The following BDH1 variants were observed in gnomAD, a reference collection of about 807,000 sequenced individuals.
BDH1 encodes the protein D-beta-hydroxybutyrate dehydrogenase, mitochondrial.
BDH1 carries 30 observed loss-of-function variants against 33.1 expected under a neutral mutation model. The ratio of observed to expected loss-of-function variants is 0.91; its 90% confidence interval spans 0.68 to 1.23. The LOEUF (loss-of-function observed/expected upper bound fraction) is 1.23. Ranked by LOEUF, BDH1 falls within the 50% of genes most tolerant of loss-of-function variation. The pLI, the probability that BDH1 is intolerant of heterozygous loss-of-function variation, is 0.00. For synonymous variants in BDH1, 190 were observed against 183.6 expected (o/e 1.03, Z -0.28); for missense variants, 443 against 464.4 (o/e 0.95, Z 0.42).
chr3:197,553,616 A>G (rs1009644817), intron 2 of BDH1, among the ~76,000 whole-genome samples: 3 of 152,048 alleles, frequency 2.0e-5, no homozygotes, highest in African/African-American at 7.2e-5. Context: ...CACTGGGTTA[A>G]TAAGTTGAGG....
At chr3:197,531,836 T>A (rs1156587462) in intron 5 of BDH1, among the ~76,000 whole-genome samples, 1 of 152,170 alleles carries the variant, frequency 6.6e-6, no homozygotes, top group Non-Finnish European at 1.5e-5. Context: ...CTTCCCTTCA[T>A]GCACCTTAAA....
intron 2 of BDH1, among the ~76,000 whole-genome samples, chr3:197,550,115 A>G (rs1273918024): frequency 1.3e-5 from 2 of 152,142 alleles, no homozygotes; most frequent in Non-Finnish European, 2.9e-5. Context: ...CCCTCATTCA[A>G]AAAGACACCT....
Position 197,548,799 on chromosome 3 carries a change from T to C in BDH1, c.-43-2313A>G, listed in dbSNP as rs546677218. On this transcript the variant is annotated intron_variant, in intron 2 of 7. Transcript: ENST00000392379. ...CCAGGAGGCGGAGGTTGCAGTGAGC[T>C]GAGATCACGCCACTGCACTCCAGCC... 3.2e-3 allele frequency among the ~76,000 whole-genome samples: 480 copies of C among 151,896 alleles called. 1 individual carries two copies. The highest frequency in any genetic ancestry group is 0.011 in the African/African-American group (453 of 41,438).
chr3:197,514,233 G>A lies in BDH1; in HGVS notation c.562+31C>T. On this transcript the variant is annotated intron_variant, in intron 7 of 7. Coordinates refer to ENST00000392379, the MANE Select transcript of BDH1 (RefSeq NM_203314.3). This position sits in a 1 kb window ranked among gnomAD's most constrained non-coding sequence, Gnocchi z 4.2. ...AAGATGAACACGTGGGGCAGGTTCA[G>A]GGGCAGGAGGGAGCTCCCTTTCCCA... 1 of 1,594,698 alleles carries A rather than the reference G, an allele frequency of 6.3e-7. No individual in the cohort carries two copies. The highest frequency in any genetic ancestry group is 1.3e-5 in the African/African-American group (1 of 74,518).
intron 5 of BDH1, among the ~76,000 whole-genome samples, chr3:197,527,859 T>A (rs1314835228): frequency 6.6e-6 from 1 of 152,052 alleles, no homozygotes; most frequent in Non-Finnish European, 1.5e-5. Context: ...CTCCCGCACC[T>A]CCTTTGGATG....
At position 197,527,213 on chromosome 3, in the gene BDH1, G is replaced by A. The variant is rs1714185374; in HGVS notation, c.268-4432C>T. Among the ~76,000 whole-genome samples the A allele has an allele frequency of 1.3e-5, 2 of 152,192 alleles. 1 individual carries two copies. Among genetic ancestry groups the A allele is most frequent in the Non-Finnish European group, 2.9e-5 (2 of 68,044 alleles). ...TGGGCACTGTGATGTTCACAGGATG[G>A]GCAGGAGGAGGAGCTAGCAAGCAAG... On this transcript the variant is annotated intron_variant, in intron 5 of 7. Transcript: ENST00000392379.
rs1335465895 is a variant in BDH1 at position 197,526,236 on chromosome 3, G to T, written c.268-3455C>A. On this transcript the variant is annotated intron_variant, in intron 5 of 7. Coordinates refer to ENST00000392379, the MANE Select transcript of BDH1 (RefSeq NM_203314.3). The surrounding 1 kb of genome is among the most constrained non-coding windows in gnomAD (Gnocchi z 4.7). ...CCCAAACTCCCAAACTTGTATGCGA[G>T]GTAAAGCTTTCCCCTGCCCAGCCCT... is the stretch of plus-strand genomic sequence containing the variant. Among the ~76,000 whole-genome samples, 1 of 152,190 alleles carries T rather than the reference G, an allele frequency of 6.6e-6. No individual in the cohort carries two copies. Among genetic ancestry groups the T allele is most frequent in the Non-Finnish European group, 1.5e-5 (1 of 68,030 alleles).
intron 7 of BDH1, among the ~76,000 whole-genome samples, chr3:197,512,970 G>A (rs574916013): frequency 1.5e-4 from 23 of 152,278 alleles, no homozygotes; most frequent in African/African-American, 1.9e-4. Context: ...GACAGGACCC[G>A]TGCTGTTAGG....
intron 1 of BDH1, among the ~76,000 whole-genome samples, chr3:197,561,388 G>A (rs1717256260): frequency 1.3e-5 from 2 of 152,030 alleles, no homozygotes; most frequent in Non-Finnish European, 1.5e-5. Context: ...AGGAAGGCAA[G>A]ATTTCCTCTT....
chr3:197,565,765 G>A (rs1008644041), intron 1 of BDH1, among the ~76,000 whole-genome samples: 1 of 151,966 alleles, frequency 6.6e-6, no homozygotes, highest in African/African-American at 2.4e-5. Flanking sequence ...GTCTTGTTTT[G>A]GTCCTCCTTA....
chr3:197,536,820 G>A (rs1025287569), intron 3 of BDH1, among the ~76,000 whole-genome samples: 20 of 152,082 alleles, frequency 1.3e-4, no homozygotes, highest in African/African-American at 4.8e-4. Context: ...TGCAGCCTGG[G>A]CAACAAGAGT....
rs1232720917 is a variant in BDH1 at position 197,523,007 on chromosome 3, A to G, written c.268-226T>C. On this transcript the variant is annotated intron_variant, in intron 5 of 7. Coordinates refer to ENST00000392379, the MANE Select transcript of BDH1 (RefSeq NM_203314.3). This position sits in a 1 kb window ranked among gnomAD's most constrained non-coding sequence, Gnocchi z 4.5. ...TGCCACAGACACAACCATGAATAGG[A>G]TGAAGAGCCGGCCCCCAAGGCCTCA... 4 of 516,308 alleles carry G rather than the reference A, an allele frequency of 7.7e-6. No individual in the cohort carries two copies. Among genetic ancestry groups the G allele is most frequent in the Non-Finnish European group, 1.3e-5 (4 of 297,682 alleles). The allele number at this position is 516,308 out of a possible 1,614,324, so 32.0% of individuals were successfully genotyped here.
In BDH1 at chr3:197,535,904, G is replaced by A. The variant is rs955106857; in HGVS notation, c.84-2343C>T. ...TACAAAAAATACGAAAATTAGTCAG[G>A]TGTGGTGGCTCACGCCTTTAAGTCC... On this transcript the variant is annotated intron_variant, in intron 3 of 7. Coordinates refer to ENST00000392379, the MANE Select transcript of BDH1 (RefSeq NM_203314.3). 2.0e-5 allele frequency among the ~76,000 whole-genome samples: 3 copies of A among 152,130 alleles called. No homozygotes were observed. The East Asian group carries it at 5.8e-4, about 29-fold the overall frequency.
chr3:197,520,196 A>C lies in BDH1; in HGVS notation c.409+2444T>G, dbSNP rs1713384391. On this transcript the variant is annotated intron_variant, in intron 6 of 7. Coordinates refer to ENST00000392379, the MANE Select transcript of BDH1 (RefSeq NM_203314.3). This position sits in a 1 kb window ranked among gnomAD's most constrained non-coding sequence, Gnocchi z 6.0. ...GGGAGAGGGAGGAGAGGGAGACGGGAAGAAAGCGAGAGCAGGAGATGGGGG... is the reference window on the plus strand; with the variant it reads ...GGGAGAGGGAGGAGAGGGAGACGGGCAGAAAGCGAGAGCAGGAGATGGGGG... Among the ~76,000 whole-genome samples the C allele has an allele frequency of 6.6e-6, 1 of 152,094 alleles. No homozygotes were observed. Among genetic ancestry groups the C allele is most frequent in the African/African-American group, 2.4e-5 (1 of 41,410 alleles).
intron 5 of BDH1, chr3:197,529,915 A>G (rs773789002): frequency 1.7e-4 from 26 of 152,020 alleles, no homozygotes; most frequent in Non-Finnish European, 3.1e-4. Flanking sequence ...CTGAATGCCC[A>G]CTCTTCCCTT....
chr3:197,542,729 A>T (rs1170083883), intron 3 of BDH1, among the ~76,000 whole-genome samples: 5 of 151,534 alleles, frequency 3.3e-5, no homozygotes, highest in African/African-American at 9.7e-5. Flanking sequence ...TCCATGTTGG[A>T]CAGGTTGGTC....
rs116933384 is a variant in BDH1, at chr3:197,567,278, C to A, written c.-44+5903G>T. On this transcript the variant is annotated intron_variant, in intron 1 of 6. Transcript: ENST00000358186. ...AGGGAAACGTGAAAGGAAGATAAATCTTGGGGTCCCAAAATCACTAAGCTA... is the reference window on the plus strand; with the variant it reads ...AGGGAAACGTGAAAGGAAGATAAATATTGGGGTCCCAAAATCACTAAGCTA... 8.9e-4 allele frequency among the ~76,000 whole-genome samples: 136 copies of A among 152,260 alleles called. No individual in the cohort carries two copies. In the East Asian group the frequency reaches 0.025, roughly 28 times the overall value.
At chr3:197,542,117 G>GC (rs1302629369) in intron 3 of BDH1, among the ~76,000 whole-genome samples, 1 of 152,224 alleles carries the variant, frequency 6.6e-6, no homozygotes, top group Non-Finnish European at 1.5e-5. Flanking sequence ...CAGGTGCGTT[G>GC]CTTGTCCCTG....
chr3:197,517,037 G>A (rs1712807675), intron 6 of BDH1, among the ~76,000 whole-genome samples: 2 of 152,072 alleles, frequency 1.3e-5, no homozygotes, highest in African/African-American at 2.4e-5. Context: ...CCACGCCCCA[G>A]GCTGTTGCTG....
Sources: gnomAD v4.1 joint callset for allele counts (sites outside exome capture counted in the v4.1 genomes callset) on GRCh38, gnomAD v4.1.1 for gene constraint, Gnocchi (gnomAD v3.1) non-coding constraint, MANE v1.5 for transcripts, NCBI Gene and HGNC (gene_info 2026-07-23, HGNC 2026-07-21) for gene names.